PDE4D: variants seen among roughly 807,000 people sequenced by gnomAD.
PDE4D encodes phosphodiesterase 4D.
PDE4D carries 24 observed loss-of-function variants against 87.4 expected under a neutral mutation model. The observed-to-expected ratio is 0.27, with a 90% CI of 0.20 to 0.39. The LOEUF (loss-of-function observed/expected upper bound fraction) is 0.39. PDE4D is among the 10% of genes least tolerant of loss of function. The pLI is 1.00. For synonymous variants in PDE4D, 384 were observed against 383.2 expected, an observed-to-expected ratio of 1.00 and a Z score of -0.02; for missense variants, 714 against 1,041.0, an observed-to-expected ratio of 0.69 and a Z score of 4.32.
At chr5:59,603,172 A>C (rs1357679923) in intron 1 of PDE4D, among the ~76,000 whole-genome samples, 1 of 152,168 alleles carries the variant, frequency 6.6e-6, no homozygotes, top group South Asian at 2.1e-4. Flanking sequence ...CAAGCTAAAA[A>C]GCTTCTGCAC....
At chr5:60,341,542 A>G (rs1758318119) in intron 1 of PDE4D, among the ~76,000 whole-genome samples, 1 of 152,212 alleles carries the variant, frequency 6.6e-6, no homozygotes, top group African/African-American at 2.4e-5. Context: ...TCTGAATATC[A>G]GGATTAAAAT....
intron 1 of PDE4D, among the ~76,000 whole-genome samples, chr5:59,856,596 C>T (rs1245036649): frequency 6.6e-6 from 1 of 152,162 alleles, no homozygotes; most frequent in Non-Finnish European, 1.5e-5. Flanking sequence ...CTGCTCAATG[C>T]TCTGAGACCT....
At chr5:59,355,618 A>G in intron 1 of PDE4D, among the ~76,000 whole-genome samples, 1 of 152,256 alleles carries the variant, frequency 6.6e-6, no homozygotes, top group South Asian at 2.1e-4. Flanking sequence ...TAACAAATAA[A>G]TCATTATTTT....
chr5:59,504,317 T>C (rs1808846953), intron 1 of PDE4D, among the ~76,000 whole-genome samples: 2 of 152,224 alleles, frequency 1.3e-5, no homozygotes, highest in Non-Finnish European at 2.9e-5. Context: ...ACAATTCATT[T>C]TGCATTTGTA....
At chr5:59,170,975 G>C (rs1782666861) in intron 5 of PDE4D, among the ~76,000 whole-genome samples, 1 of 150,878 alleles carries the variant, frequency 6.6e-6, no homozygotes, top group Non-Finnish European at 1.5e-5. Flanking sequence ...TCTGCCTCCT[G>C]GGTTCAAGCA....
intron 1 of PDE4D, among the ~76,000 whole-genome samples, chr5:60,467,167 G>A (rs1384688988): frequency 6.6e-6 from 1 of 151,964 alleles, no homozygotes; most frequent in African/African-American, 2.4e-5. Flanking sequence ...AGCCTCCCGA[G>A]TAGTTGTGAT....
intron 2 of PDE4D, among the ~76,000 whole-genome samples, chr5:60,090,985 A>G (rs1775058323): frequency 2.0e-5 from 3 of 152,206 alleles, no homozygotes; most frequent in South Asian, 4.1e-4. Context: ...CAAGTGAATG[A>G]CCTCTGGAAT....
chr5:59,276,473 A>G lies in PDE4D; in HGVS notation c.456-60505T>C, dbSNP rs371237577. 3.9e-5 allele frequency among the ~76,000 whole-genome samples: 6 copies of G among 152,178 alleles called. No homozygotes were observed. The South Asian group carries it at 1.2e-3, about 32-fold the overall frequency. ...TTCTCTTTAGAAGCAAAGTTGAGAG[A>G]ACTTGATGACTTAGCAGCTGTTCAT... On this transcript the variant is annotated intron_variant, in intron 1 of 14. Transcript: ENST00000340635.
intron 2 of PDE4D, among the ~76,000 whole-genome samples, chr5:60,059,556 G>A (rs1465465141): frequency 1.3e-5 from 2 of 151,962 alleles, no homozygotes; most frequent in African/African-American, 4.8e-5. Flanking sequence ...ATGAAATAGA[G>A]TCAACCACAG....
chr5:59,612,924 G>GA (rs1187916142), intron 1 of PDE4D, among the ~76,000 whole-genome samples: 7 of 152,114 alleles, frequency 4.6e-5, no homozygotes, highest in African/African-American at 1.7e-4. Context: ...GAGGCCACAG[G>GA]AAAAAATAGT....
chr5:60,140,958 CA>C (rs1017779838), intron 2 of PDE4D, among the ~76,000 whole-genome samples: 6 of 152,096 alleles, frequency 3.9e-5, no homozygotes, highest in Admixed American at 1.3e-4. Context: ...TTATAGACGC[CA>C]AAGCTAGGAA....
chr5:59,640,449 T>C (rs1741388617), intron 1 of PDE4D, among the ~76,000 whole-genome samples: 1 of 152,228 alleles, frequency 6.6e-6, no homozygotes, highest in African/African-American at 2.4e-5. Context: ...TTTTAAGTTT[T>C]GAATTAAAAA....
At chr5:60,068,785 A>T (rs1772398451) in intron 2 of PDE4D, among the ~76,000 whole-genome samples, 1 of 152,038 alleles carries the variant, frequency 6.6e-6, no homozygotes, top group African/African-American at 2.4e-5. Context: ...AATTTTTTGT[A>T]GAGACAAGGT....
At chr5:60,240,763 T>C (rs1001798682) in intron 1 of PDE4D, among the ~76,000 whole-genome samples, 6 of 152,116 alleles carry the variant, frequency 3.9e-5, no homozygotes, top group Non-Finnish European at 8.8e-5. Flanking sequence ...CTTCTGGATC[T>C]TATGCAAGAA....
chr5:59,842,817 G>A (rs1243612333), intron 1 of PDE4D, among the ~76,000 whole-genome samples: 4 of 152,078 alleles, frequency 2.6e-5, no homozygotes, highest in East Asian at 1.9e-4. Context: ...TATAAAGTGA[G>A]TTTCAGTAGT....
rs140233818 is a variant in PDE4D at position 59,113,451 on chromosome 5, C to T, written c.808+67144G>A. Among the ~76,000 whole-genome samples, 13 of 152,256 alleles carry T rather than the reference C, an allele frequency of 8.5e-5. No homozygotes were observed. In the South Asian group the frequency reaches 2.3e-3, roughly 27 times the overall value. On this transcript the variant is annotated intron_variant, in intron 5 of 14. Transcript: ENST00000340635. Reference sequence around the variant, plus strand: ...GTATGTTTTTTGCCTACTCTGTTATCAAAAACACATCAACAAATCAAAATA... The same window carrying T: ...GTATGTTTTTTGCCTACTCTGTTATTAAAAACACATCAACAAATCAAAATA...
intron 1 of PDE4D, among the ~76,000 whole-genome samples, chr5:60,378,788 G>T (rs1439544608): frequency 6.6e-6 from 1 of 152,098 alleles, no homozygotes; most frequent in Admixed American, 6.5e-5. Context: ...GGAAGGCAGA[G>T]ATTGCAGTGA....
intron 1 of PDE4D, among the ~76,000 whole-genome samples, chr5:60,282,027 A>AC (rs1411877584): frequency 1.4e-5 from 2 of 138,946 alleles, no homozygotes; most frequent in East Asian, 4.2e-4. Flanking sequence ...ACAGGAAAAA[A>AC]GGAAAAAAAA....
intron 1 of PDE4D, among the ~76,000 whole-genome samples, chr5:60,506,058 T>C (rs59696553): frequency 0.081 from 12,302 of 152,288 alleles, 1,438 homozygotes; most frequent in African/African-American, 0.26. Flanking sequence ...ATTCCTCTCC[T>C]CTGCATACTG....
Sources: allele counts gnomAD v4.1 joint callset (sites outside exome capture counted in the v4.1 genomes callset), GRCh38; gene constraint gnomAD v4.1.1; transcripts MANE v1.5; gene names NCBI Gene and HGNC (gene_info 2026-07-23, HGNC 2026-07-21).